The following RAB40A variants were observed in gnomAD, a reference collection of about 807,000 sequenced individuals.
RAB40A encodes ras-related protein Rab-40A.
For missense variants in RAB40A, 145 were observed against 230.2 expected, an observed-to-expected ratio of 0.63 and a Z score of 2.40; for synonymous variants, 65 against 99.9, an observed-to-expected ratio of 0.65 and a Z score of 2.08.
the RAB40A span, among the ~76,000 whole-genome samples, chrX:103,493,376 A>G: frequency 9.0e-6 from 1 of 111,617 alleles, no homozygotes; most frequent in Non-Finnish European, 1.9e-5. Context: ...TAATAATCAC[A>G]TCATTAAAAA....
chrX:103,499,785 A>T lies in RAB40A; in HGVS notation c.*138T>A. ...TGTGTTTTTATTGACAGAAGGCATC[A>T]CACACATTCCCAAGCAGCATGGTTC... On this transcript the variant is annotated 3_prime_UTR_variant, in exon 3 of 3. Transcript: ENST00000304236. 1.4e-6 allele frequency: 1 copy of T among 710,831 alleles called. No individual in the cohort carries two copies. The highest frequency in any genetic ancestry group is 2.2e-6 in the Non-Finnish European group (1 of 463,516). 58.6% of individuals were successfully genotyped at this position (710,831 alleles called of 1,213,427 possible). A position where few individuals can be genotyped will look rare whatever the true frequency, so the allele number is the denominator to read the frequency against.
intron 2 of RAB40A, among the ~76,000 whole-genome samples, chrX:103,508,731 G>C (rs1366045005): frequency 8.9e-6 from 1 of 111,872 alleles, no homozygotes; most frequent in Non-Finnish European, 1.9e-5. Flanking sequence ...ATGCCTGTAA[G>C]CAGACCCAAA....
At chrX:103,507,972 A>C (rs2073265321) in intron 2 of RAB40A, among the ~76,000 whole-genome samples, 1 of 111,911 alleles carries the variant, frequency 8.9e-6, no homozygotes, top group African/African-American at 3.3e-5. Context: ...TTTAATGTTT[A>C]TTGTTCATGT....
downstream of RAB40A, among the ~76,000 whole-genome samples, chrX:103,494,170 T>A: frequency 8.9e-6 from 1 of 112,432 alleles, no homozygotes; most frequent in Admixed American, 9.4e-5. Context: ...TGGATTGGCA[T>A]TTCTCTGATG....
At chrX:103,509,992 G>A (rs994088706) in intron 2 of RAB40A, among the ~76,000 whole-genome samples, 10 of 110,395 alleles carry the variant, frequency 9.1e-5, no homozygotes, top group African/African-American at 3.3e-4. Context: ...TTTTAGTAGA[G>A]ACAGGGTTTC....
chrX:103,500,119 G>A lies in RAB40A; in HGVS notation c.638C>T (p.Pro213Leu). 6 of 1,212,061 alleles carry A rather than the reference G, an allele frequency of 5.0e-6. No individual in the cohort carries two copies. Among genetic ancestry groups the A allele is most frequent in the East Asian group, 3.0e-5 (1 of 33,841 alleles). Residue 213 changes from proline to leucine, a missense_variant, in exon 3 of 3, where the codon CCG becomes CTG. By Grantham distance (98) the Pro-to-Leu change is moderately conservative. Transcript: ENST00000304236. ...CTPVHLVDKL[P>L]LPSTLRSHLK... Reference sequence around the variant, plus strand: ...GTGGCTTCTTAAGGTACTGGGGAGCGGGAGCTTGTCCACCAGATGCACAGG... The same window carrying A: ...GTGGCTTCTTAAGGTACTGGGGAGCAGGAGCTTGTCCACCAGATGCACAGG...
At chrX:103,506,190 A>G (rs2073253842) in intron 2 of RAB40A, among the ~76,000 whole-genome samples, 1 of 111,670 alleles carries the variant, frequency 9.0e-6, no homozygotes, top group South Asian at 3.8e-4. Context: ...TCAATTTTAT[A>G]GTGGTGAAGT....
At chrX:103,501,436 T>C (rs1179090232) in intron 2 of RAB40A, 1 of 123,774 alleles carries the variant, frequency 8.1e-6, no homozygotes, top group Non-Finnish European at 1.9e-5. Context: ...CATGTTTACA[T>C]GGGCACTAAT....
chrX:103,510,557 A>G (rs1296879254), intron 2 of RAB40A, among the ~76,000 whole-genome samples: 1 of 112,419 alleles, frequency 8.9e-6, no homozygotes, highest in Non-Finnish European at 1.9e-5. Flanking sequence ...TCTTTCACAA[A>G]TACATATATA....
intron 2 of RAB40A, chrX:103,501,580 A>G (rs1220955464): frequency 2.4e-5 from 3 of 123,888 alleles, no homozygotes; most frequent in African/African-American, 9.7e-5. Flanking sequence ...GAAATAATGC[A>G]TGCATCCATC....
At chrX:103,508,686 T>G (rs765146419) in intron 2 of RAB40A, among the ~76,000 whole-genome samples, 1 of 112,306 alleles carries the variant, frequency 8.9e-6, no homozygotes, top group Admixed American at 9.4e-5. Flanking sequence ...CTACATTCTT[T>G]AGTGTTTCAT....
At chrX:103,517,338 T>C (rs1440750338) in intron 2 of RAB40A, 36 bp downstream of exon 2, 1 of 111,303 alleles carries the variant, frequency 9.0e-6, no homozygotes, top group Non-Finnish European at 1.9e-5. Context: ...TATCCTTCTG[T>C]GTTAGACCAG....
At chrX:103,518,387 C>T (rs781315917) in intron 1 of RAB40A, among the ~76,000 whole-genome samples, 1 of 110,442 alleles carries the variant, frequency 9.1e-6, no homozygotes, top group South Asian at 3.9e-4. Flanking sequence ...ACATGATAGA[C>T]CCAGTAGCAA....
At chrX:103,515,504 T>C (rs2073312359) in intron 2 of RAB40A, among the ~76,000 whole-genome samples, 1 of 112,198 alleles carries the variant, frequency 8.9e-6, no homozygotes, top group African/African-American at 3.2e-5. Context: ...ACCAAATATA[T>C]ATTTATTGAA....
chrX:103,515,474 G>A (rs1310100275), intron 2 of RAB40A, among the ~76,000 whole-genome samples: 1 of 111,852 alleles, frequency 8.9e-6, no homozygotes, highest in Non-Finnish European at 1.9e-5. Flanking sequence ...GTCTTTTGAG[G>A]AAGGGAAAAC....
chrX:103,500,333 G>A lies in RAB40A; in HGVS notation c.424C>T (p.Gln142Ter), dbSNP rs777595191. The change falls in exon 3 of 3, where the codon CAG (glutamine) becomes TAG (stop). Residue 142 changes from glutamine (Q) to a stop codon, truncating the protein, a stop_gained. Transcript: ENST00000304236. LOFTEE classifies it low-confidence loss of function (END_TRUNC). ...FKRQVPREQA[Q>*]AYAERLGVTF... ...ACACCCAGGCGCTCGGCGTAGGCCT[G>A]GGCCTGCTCCCTGGGCACCTGCCTC... 2.2e-5 allele frequency: 27 copies of A among 1,210,184 alleles called. No homozygotes were observed. Among genetic ancestry groups the A allele is most frequent in the Non-Finnish European group, 2.8e-5 (25 of 895,196 alleles).
At chrX:103,509,311 C>G (rs998605030) in intron 2 of RAB40A, among the ~76,000 whole-genome samples, 2 of 105,043 alleles carry the variant, frequency 1.9e-5, no homozygotes, top group African/African-American at 3.7e-5. Context: ...CTCTCTCTCT[C>G]TCTCTCTCTG....
intron 2 of RAB40A, among the ~76,000 whole-genome samples, chrX:103,511,575 T>A (rs187064285): frequency 1.0e-4 from 11 of 110,070 alleles, no homozygotes; most frequent in African/African-American, 3.6e-4. Context: ...GAAACCATCA[T>A]TCTCAGCAAA....
intron 2 of RAB40A, chrX:103,502,661 C>T (rs2073234821): frequency 2.7e-6 from 2 of 746,986 alleles, no homozygotes; most frequent in Non-Finnish European, 1.6e-6. Context: ...TGGAATCTGA[C>T]ATTTCTCAAG....
Sources: gnomAD v4.1 joint callset for allele counts (sites outside exome capture counted in the v4.1 genomes callset) on GRCh38, gnomAD v4.1.1 for gene constraint, MANE v1.5 for transcripts, NCBI Gene and HGNC (gene_info 2026-07-23, HGNC 2026-07-21) for gene names.